Variants in SPATA16 observed in about 807,000 individuals in gnomAD.
SPATA16 encodes the protein spermatogenesis associated 16.
In SPATA16, 36 loss-of-function variants were observed where a neutral mutation model predicts 63.3. That is an observed-to-expected ratio of 0.57 (90% CI 0.44 to 0.75). The LOEUF (loss-of-function observed/expected upper bound fraction) is 0.75, where lower values mean the gene tolerates loss of function less well. Among genes scored for constraint, SPATA16 ranks in the 30% least tolerant of loss-of-function variants. The pLI, the probability that SPATA16 is intolerant of heterozygous loss-of-function variation, is 0.00. For synonymous variants in SPATA16, 203 were observed against 216.7 expected (o/e 0.94, Z 0.56); for missense variants, 646 against 679.3 (o/e 0.95, Z 0.54).
intron 8 of SPATA16, 42 bp downstream of exon 8, chr3:172,924,166 A>G: frequency 6.9e-7 from 1 of 1,452,142 alleles, no homozygotes; most frequent in Non-Finnish European, 9.7e-7. Context: ...GAATTCTCTA[A>G]TATTTGTACA....
At chr3:172,976,947 A>T (rs762700192) in intron 5 of SPATA16, 21 bp downstream of exon 5, 41 of 1,600,752 alleles carry the variant, frequency 2.6e-5, no homozygotes, top group Admixed American at 1.2e-4. Flanking sequence ...TCTCCTCCCT[A>T]GTTGGGACAT....
chr3:173,079,185 A>AG (rs1473741914), intron 2 of SPATA16, among the ~76,000 whole-genome samples: 3 of 152,220 alleles, frequency 2.0e-5, no homozygotes, highest in Admixed American at 1.3e-4. Context: ...TGATATAGAT[A>AG]GGGCAATTGT....
chr3:173,022,105 G>A (rs1392034428), intron 3 of SPATA16, among the ~76,000 whole-genome samples: 1 of 152,008 alleles, frequency 6.6e-6, no homozygotes, highest in African/African-American at 2.4e-5. Flanking sequence ...TGTAGGCAGA[G>A]AAGATTTTTG....
intron 2 of SPATA16, among the ~76,000 whole-genome samples, chr3:173,083,858 A>G (rs545037327): frequency 1.3e-5 from 2 of 152,180 alleles, no homozygotes; most frequent in Non-Finnish European, 2.9e-5. Flanking sequence ...CATCATATAT[A>G]TGTACCACAT....
At chr3:172,951,942 A>T (rs1237890605) in intron 6 of SPATA16, among the ~76,000 whole-genome samples, 1 of 152,196 alleles carries the variant, frequency 6.6e-6, no homozygotes, top group Non-Finnish European at 1.5e-5. Flanking sequence ...TCATCTGTTG[A>T]TTATTTATTT....
chr3:173,040,675 A>G (rs1735818645), intron 3 of SPATA16, among the ~76,000 whole-genome samples: 1 of 152,188 alleles, frequency 6.6e-6, no homozygotes, highest in Non-Finnish European at 1.5e-5. Context: ...CATTTTCAGG[A>G]TGAAATGACA....
chr3:172,921,881 CAT>C (rs1263484840), intron 8 of SPATA16, among the ~76,000 whole-genome samples: 1 of 152,178 alleles, frequency 6.6e-6, no homozygotes, highest in Non-Finnish European at 1.5e-5. Context: ...TTGGCCAGAG[CAT>C]GGCCTTGGGC....
intron 5 of SPATA16, among the ~76,000 whole-genome samples, chr3:172,961,094 C>CTTCCTTCCTTCCTTCA (rs1733771316): frequency 7.1e-6 from 1 of 141,518 alleles, no homozygotes; most frequent in Non-Finnish European, 1.5e-5. Context: ...TCCTTCCTTC[C>CTTCCTTCCTTCCTTCA]TTCCTTCCTT....
chr3:172,902,687 T>G (rs1732148572), intron 10 of SPATA16, among the ~76,000 whole-genome samples: 1 of 152,178 alleles, frequency 6.6e-6, no homozygotes, highest in African/African-American at 2.4e-5. Context: ...ACACTCATCT[T>G]CTCACCAGCC....
chr3:173,137,702 A>G (rs894105102), intron 1 of SPATA16, among the ~76,000 whole-genome samples: 6 of 152,084 alleles, frequency 3.9e-5, no homozygotes, highest in African/African-American at 1.2e-4. Flanking sequence ...TAACTGAGAG[A>G]TCGGAACTTT....
rs183240860 is a variant in SPATA16 at position 173,102,111 on chromosome 3, C to T, written c.612+15009G>A. ...CCCTTTCCTTAGAGAGGTCCTGAAC[C>T]CTTCCCCTTATTCCTACTCACCTCC... On this transcript the variant is annotated intron_variant, in intron 2 of 10. Coordinates refer to ENST00000351008, the MANE Select transcript of SPATA16 (RefSeq NM_031955.6). 3.7e-4 allele frequency among the ~76,000 whole-genome samples: 57 copies of T among 152,260 alleles called. No individual in the cohort carries two copies. The East Asian group carries it at 9.5e-3, about 25-fold the overall frequency.
chr3:172,932,979 A>G (rs34551281), intron 6 of SPATA16, among the ~76,000 whole-genome samples: 75,062 of 151,944 alleles, frequency 0.49, 21,673 homozygotes, highest in East Asian at 0.68. Context: ...AAGACACATA[A>G]TCCCACAGGA....
rs570007326 is a variant in SPATA16 at position 173,039,871 on chromosome 3, A to G, written c.758+9078T>C. Among the ~76,000 whole-genome samples the G allele has an allele frequency of 3.3e-5, 5 of 152,234 alleles. No homozygotes were observed. The South Asian group carries it at 1.0e-3, about 32-fold the overall frequency. On this transcript the variant is annotated intron_variant, in intron 3 of 10. Transcript: ENST00000351008. Reference sequence around the variant, plus strand: ...GCTCTGTTATGAAAAAATGATCAACATATGCATTTAAAAGGTGGTGAGTGT... The same window carrying G: ...GCTCTGTTATGAAAAAATGATCAACGTATGCATTTAAAAGGTGGTGAGTGT...
At chr3:172,985,908 C>T (rs1271589162) in intron 4 of SPATA16, among the ~76,000 whole-genome samples, 1 of 152,076 alleles carries the variant, frequency 6.6e-6, no homozygotes, top group Non-Finnish European at 1.5e-5. Flanking sequence ...TCTATAGATG[C>T]AAGGGACAAT....
At chr3:173,083,776 A>G (rs1736979641) in intron 2 of SPATA16, among the ~76,000 whole-genome samples, 1 of 152,132 alleles carries the variant, frequency 6.6e-6, no homozygotes, top group Non-Finnish European at 1.5e-5. Flanking sequence ...TGCTGAGAAT[A>G]ATGGCTTCCA....
chr3:172,967,711 A>G (rs1014396602), intron 5 of SPATA16, among the ~76,000 whole-genome samples: 5 of 152,306 alleles, frequency 3.3e-5, no homozygotes, highest in Admixed American at 3.3e-4. Context: ...GTGGCATTAG[A>G]TTCTCATAGG....
chr3:173,094,779 G>T lies in SPATA16; in HGVS notation c.612+22341C>A, dbSNP rs568131643. On this transcript the variant is annotated intron_variant, in intron 2 of 10. Transcript: ENST00000351008. The stretch of plus-strand genomic sequence containing the variant: ...CGGAAGGACCTTCTTCTGAAAGATT[G>T]TGATGGGCAGGCCGTAGGGCTAAGC... 9.8e-5 allele frequency among the ~76,000 whole-genome samples: 14 copies of T among 143,264 alleles called. No homozygotes were observed. The South Asian group carries it at 3.4e-3, about 35-fold the overall frequency. 94.0% of individuals were successfully genotyped at this position (143,264 alleles called of 152,430 possible). A position where few individuals can be genotyped will look rare whatever the true frequency, so the allele number is the denominator to read the frequency against.
At chr3:173,105,745 C>CTTCCTCCCTCCCTCTT (rs1438084001) in intron 2 of SPATA16, among the ~76,000 whole-genome samples, 1 of 151,782 alleles carries the variant, frequency 6.6e-6, no homozygotes, top group Non-Finnish European at 1.5e-5. Flanking sequence ...GCAAATTTTC[C>CTTCCTCCCTCCCTCTT]TTCCTCCCTC....
chr3:173,133,054 A>C (rs1417063654), intron 1 of SPATA16, among the ~76,000 whole-genome samples: 2 of 152,206 alleles, frequency 1.3e-5, no homozygotes, highest in African/African-American at 4.8e-5. Flanking sequence ...GCAAACATCA[A>C]CCAAGATAAG....
Sources: gnomAD v4.1 joint callset for allele counts (sites outside exome capture counted in the v4.1 genomes callset) on GRCh38, gnomAD v4.1.1 for gene constraint, MANE v1.5 for transcripts, NCBI Gene and HGNC (gene_info 2026-07-23, HGNC 2026-07-21) for gene names.